PDGFC: variants seen among roughly 807,000 people sequenced by gnomAD.
PDGFC encodes the protein platelet derived growth factor C.
Under a neutral mutation model 35.5 loss-of-function variants are expected in PDGFC, and 12 were observed. The ratio of observed to expected loss-of-function variants is 0.34; its 90% CI spans 0.22 to 0.55. The LOEUF (loss-of-function observed/expected upper bound fraction) is 0.55, where lower values mean the gene tolerates loss of function less well. Ranked by LOEUF, PDGFC falls within the 20% of genes least tolerant of loss-of-function variation. The pLI is 0.91. For missense variants in PDGFC, 322 were observed against 412.4 expected, an observed-to-expected ratio of 0.78 and a Z score of 1.90; for synonymous variants, 159 against 148.8, an observed-to-expected ratio of 1.07 and a Z score of -0.50.
chr4:156,825,572 T>TAAGAAGAAG (rs1160328114), intron 2 of PDGFC, among the ~76,000 whole-genome samples: 10 of 94,684 alleles, frequency 1.1e-4, no homozygotes, highest in South Asian at 7.2e-4. Context: ...ATAATAATAA[T>TAAGAAGAAG]AATAATAATA....
chr4:156,804,319 T>A (rs1448310064), intron 3 of PDGFC, among the ~76,000 whole-genome samples: 1 of 152,046 alleles, frequency 6.6e-6, no homozygotes, highest in Non-Finnish European at 1.5e-5. Flanking sequence ...GCATATCTGA[T>A]GAAAACACAG....
At chr4:156,839,152 G>C (rs1343988424) in intron 2 of PDGFC, among the ~76,000 whole-genome samples, 3 of 152,184 alleles carry the variant, frequency 2.0e-5, no homozygotes, top group African/African-American at 7.2e-5. Flanking sequence ...GAGCCAGCAA[G>C]TCTAGACACA....
chr4:156,839,801 C>T (rs1729154457), intron 2 of PDGFC, among the ~76,000 whole-genome samples: 1 of 152,114 alleles, frequency 6.6e-6, no homozygotes, highest in Non-Finnish European at 1.5e-5. Context: ...GTGATATGCA[C>T]AATGAGGTCG....
intron 1 of PDGFC, among the ~76,000 whole-genome samples, chr4:156,937,263 A>G (rs1731705071): frequency 1.3e-5 from 2 of 152,208 alleles, no homozygotes; most frequent in Admixed American, 6.5e-5. Context: ...TTGTTTCTCA[A>G]TAATTTGAAC....
intron 5 of PDGFC, among the ~76,000 whole-genome samples, chr4:156,766,118 C>G (rs1730519657): frequency 6.6e-6 from 1 of 151,978 alleles, no homozygotes; most frequent in African/African-American, 2.4e-5. Context: ...GCTCTCAATT[C>G]AATAGAAACA....
At chr4:156,945,378 TA>T (rs1731921085) in intron 1 of PDGFC, among the ~76,000 whole-genome samples, 2 of 119,948 alleles carry the variant, frequency 1.7e-5, no homozygotes, top group Middle Eastern at 3.8e-3. Flanking sequence ...TATATATATA[TA>T]TATATATATA....
At chr4:156,929,502 C>T (rs1000876640) in intron 1 of PDGFC, among the ~76,000 whole-genome samples, 2 of 151,266 alleles carry the variant, frequency 1.3e-5, no homozygotes, top group Non-Finnish European at 2.9e-5. Flanking sequence ...GAACTACTCT[C>T]CGTTTAAAAA....
chr4:156,943,131 A>C (rs578183170), intron 1 of PDGFC, among the ~76,000 whole-genome samples: 1 of 152,226 alleles, frequency 6.6e-6, no homozygotes, highest in East Asian at 1.9e-4. Flanking sequence ...GGTAACCCCT[A>C]CCAATGAGTA....
chr4:156,831,629 A>G (rs893134539), intron 2 of PDGFC, among the ~76,000 whole-genome samples: 4 of 151,644 alleles, frequency 2.6e-5, no homozygotes, highest in Non-Finnish European at 5.9e-5. Context: ...TTTTTAGTAG[A>G]GATGGGGTTT....
At chr4:156,797,367 G>C (rs1446626341) in intron 3 of PDGFC, among the ~76,000 whole-genome samples, 1 of 152,128 alleles carries the variant, frequency 6.6e-6, no homozygotes, top group Non-Finnish European at 1.5e-5. Context: ...AACCAGAATA[G>C]GTTCAGAGCA....
chr4:156,880,798 C>T (rs55947119), intron 1 of PDGFC, among the ~76,000 whole-genome samples: 22,195 of 151,970 alleles, frequency 0.15, 2,388 homozygotes, highest in African/African-American at 0.31. Flanking sequence ...AGCCTGAAGA[C>T]GTAAGTGAAT....
chr4:156,915,437 T>C (rs915429465), intron 1 of PDGFC, among the ~76,000 whole-genome samples: 1 of 152,072 alleles, frequency 6.6e-6, no homozygotes, highest in Non-Finnish European at 1.5e-5. Context: ...CAACTAGCAT[T>C]GGAAAAAACT....
intron 1 of PDGFC, among the ~76,000 whole-genome samples, chr4:156,913,212 A>G (rs2110812528): frequency 6.6e-6 from 1 of 152,322 alleles, no homozygotes; most frequent in African/African-American, 2.4e-5. Flanking sequence ...TCAGTATAGC[A>G]AGCTATTTCT....
chr4:156,841,617 C>T (rs1342100163), intron 2 of PDGFC, among the ~76,000 whole-genome samples: 1 of 151,934 alleles, frequency 6.6e-6, no homozygotes, highest in Admixed American at 6.6e-5. Flanking sequence ...AGCAATTCTC[C>T]CACTTCAGCC....
intron 3 of PDGFC, among the ~76,000 whole-genome samples, chr4:156,798,867 T>C (rs917515171): frequency 6.6e-6 from 1 of 152,186 alleles, no homozygotes; most frequent in Non-Finnish European, 1.5e-5. Context: ...ATCAGAATGT[T>C]ATTCCACTGG....
intron 2 of PDGFC, among the ~76,000 whole-genome samples, chr4:156,827,218 C>A (rs1436616931): frequency 6.6e-6 from 1 of 152,054 alleles, no homozygotes; most frequent in Non-Finnish European, 1.5e-5. Flanking sequence ...GAGATTGAGA[C>A]CATCCTGGCT....
intron 2 of PDGFC, among the ~76,000 whole-genome samples, chr4:156,846,605 A>C (rs193031806): frequency 3.3e-5 from 5 of 151,914 alleles, no homozygotes; most frequent in Middle Eastern, 3.4e-3. Context: ...AAAAATGATT[A>C]AAAAACATTT....
intron 1 of PDGFC, among the ~76,000 whole-genome samples, chr4:156,908,226 TAAGGC>T (rs1161790622): frequency 6.6e-6 from 1 of 152,110 alleles, no homozygotes; most frequent in East Asian, 1.9e-4. Flanking sequence ...AGCTTAGCTT[TAAGGC>T]AATAATAAAA....
At chr4:156,857,229 A>G (rs1729604331) in intron 1 of PDGFC, among the ~76,000 whole-genome samples, 1 of 152,078 alleles carries the variant, frequency 6.6e-6, no homozygotes, top group Non-Finnish European at 1.5e-5. Context: ...AATAAGAGAG[A>G]AAATTTACCC....
Sources: gnomAD v4.1 joint callset for allele counts (sites outside exome capture counted in the v4.1 genomes callset) on GRCh38, gnomAD v4.1.1 for gene constraint, MANE v1.5 for transcripts, NCBI Gene and HGNC (gene_info 2026-07-23, HGNC 2026-07-21) for gene names.